The following DYM variants were observed in gnomAD, a reference collection of about 807,000 sequenced individuals.
DYM encodes dyggve-Melchior-Clausen syndrome protein.
DYM carries 78 observed loss-of-function variants against 93.1 expected under a neutral mutation model. The observed-to-expected ratio is 0.84, with a 90% CI of 0.70 to 1.01. The LOEUF (loss-of-function observed/expected upper bound fraction) is 1.01, where lower values mean the gene tolerates loss of function less well. Ranked by LOEUF, DYM falls within the 50% of genes least tolerant of loss-of-function variation. The pLI, the probability that DYM is intolerant of heterozygous loss-of-function variation, is 0.00. For missense variants in DYM, 789 were observed against 845.0 expected (o/e 0.93, Z 0.82); for synonymous variants, 321 against 319.7 (o/e 1.00, Z -0.04).
intron 1 of DYM, among the ~76,000 whole-genome samples, chr18:49,448,060 A>C (rs1943674): frequency 0.41 from 61,699 of 151,746 alleles, 12,968 homozygotes; most frequent in East Asian, 0.58. Flanking sequence ...TGTCAGTCCA[A>C]TGAAACATCC....
chr18:49,084,897 T>G (rs2078366202), intron 17 of DYM, among the ~76,000 whole-genome samples: 1 of 152,314 alleles, frequency 6.6e-6, no homozygotes, highest in Admixed American at 6.5e-5. Context: ...ACGATGACAG[T>G]TATACCCAAA....
chr18:49,226,555 A>G (rs1223451656), intron 13 of DYM, among the ~76,000 whole-genome samples: 1 of 152,186 alleles, frequency 6.6e-6, no homozygotes, highest in Non-Finnish European at 1.5e-5. Context: ...AGCAAGGTCT[A>G]AAACTCCACA....
chr18:49,279,824 T>C (rs1437422035), intron 10 of DYM, among the ~76,000 whole-genome samples: 1 of 152,238 alleles, frequency 6.6e-6, no homozygotes, highest in African/African-American at 2.4e-5. Flanking sequence ...TTAAGCAGTG[T>C]TTCCCACCTA....
chr18:49,371,764 GCA>G, intron 5 of DYM, among the ~76,000 whole-genome samples: 1 of 152,104 alleles, frequency 6.6e-6, no homozygotes, highest in African/African-American at 2.4e-5. Context: ...ATTCTCAAAC[GCA>G]TGGACTAATG....
Position 49,425,698 on chromosome 18 carries a change from G to GA in DYM, c.140+4556dup, listed in dbSNP as rs1406721651. Among the ~76,000 whole-genome samples, 11 of 152,218 alleles carry GA rather than the reference G, an allele frequency of 7.2e-5. No individual in the cohort carries two copies. In the East Asian group the frequency reaches 1.7e-3, roughly 24 times the overall value. Reference sequence around the variant, plus strand: ...ACAAAGAACTTAAACAAATTTACAAGAAAAAATCAAACAACCCCCATCAAA... The same window carrying GA: ...ACAAAGAACTTAAACAAATTTACAAGAAAAAAATCAAACAACCCCCATCAAA... On this transcript the variant is annotated intron_variant, in intron 2 of 17. Transcript: ENST00000675505.
chr18:49,455,509 A>C (rs912940861), intron 1 of DYM, among the ~76,000 whole-genome samples: 2 of 152,202 alleles, frequency 1.3e-5, no homozygotes, highest in African/African-American at 4.8e-5. Flanking sequence ...CAAACATATA[A>C]AGTATATATT....
intron 16 of DYM, among the ~76,000 whole-genome samples, chr18:49,117,508 G>C (rs1599868650): frequency 6.6e-6 from 1 of 151,930 alleles, no homozygotes; most frequent in Non-Finnish European, 1.5e-5. Context: ...GTGCCTGTTC[G>C]ATTCTTGTTA....
chr18:49,205,581 A>G (rs2092432088), intron 14 of DYM, among the ~76,000 whole-genome samples: 1 of 152,182 alleles, frequency 6.6e-6, no homozygotes, highest in Admixed American at 6.5e-5. Flanking sequence ...GGTACTATCA[A>G]TCATCCAAGA....
At chr18:49,373,154 C>T (rs1031499235) in intron 5 of DYM, among the ~76,000 whole-genome samples, 3 of 151,934 alleles carry the variant, frequency 2.0e-5, no homozygotes, top group Non-Finnish European at 4.4e-5. Flanking sequence ...TGTTACAGGA[C>T]AGAGAAATAT....
chr18:49,391,541 A>T (rs376388828), intron 3 of DYM, 52 bp downstream of exon 3: 6 of 1,539,156 alleles, frequency 3.9e-6, no homozygotes, highest in East Asian at 4.5e-5. Flanking sequence ...ATACTATCAA[A>T]ATCTAAAACA....
At chr18:49,235,818 G>T (rs527755226) in intron 13 of DYM, among the ~76,000 whole-genome samples, 2 of 148,310 alleles carry the variant, frequency 1.3e-5, no homozygotes, top group African/African-American at 4.9e-5. Context: ...AAAATCTTTC[G>T]ATCATCACAC....
intron 1 of DYM, among the ~76,000 whole-genome samples, chr18:49,455,950 A>C (rs2082946552): frequency 6.6e-6 from 1 of 151,970 alleles, no homozygotes; most frequent in Non-Finnish European, 1.5e-5. Context: ...CTGTCTCAAA[A>C]AAAAAAAAGC....
rs2062046014 is a variant in DYM at position 49,317,586 on chromosome 18, TCTCTCTCTCTC to T, written c.763+14267_763+14277del. On this transcript the variant is annotated intron_variant, in intron 8 of 17. Coordinates refer to ENST00000675505, the MANE Select transcript of DYM (RefSeq NM_001353214.3). Reference sequence around the variant, plus strand: ...CTCTCTCTCTCTCTCTCTCTCTCTCTCTCTCTCTCTCCCCCCTCCCCCCTCCCTCCCTCCCT... The same window carrying T: ...CTCTCTCTCTCTCTCTCTCTCTCTCTCCCCCTCCCCCCTCCCTCCCTCCCT... 1.7e-4 allele frequency among the ~76,000 whole-genome samples: 2 copies of T among 12,044 alleles called. 1 individual carries two copies. The highest frequency in any genetic ancestry group is 1.3e-3 in the African/African-American group (2 of 1,584). 7.9% of individuals were successfully genotyped at this position (12,044 alleles called of 152,430 possible).
At chr18:49,288,682 AG>A (rs2059820551) in intron 8 of DYM, among the ~76,000 whole-genome samples, 2 of 152,064 alleles carry the variant, frequency 1.3e-5, no homozygotes, top group African/African-American at 4.8e-5. Context: ...TGGGAGGCTG[AG>A]GCGGGAGAAT....
At chr18:49,159,399 TAA>T (rs1283033921) in intron 15 of DYM, among the ~76,000 whole-genome samples, 1 of 152,184 alleles carries the variant, frequency 6.6e-6, no homozygotes, top group East Asian at 1.9e-4. Context: ...AAAGCAGATT[TAA>T]AAGTTTGTAA....
chr18:49,317,685 C>CT, intron 8 of DYM, among the ~76,000 whole-genome samples: 3 of 115,434 alleles, frequency 2.6e-5, no homozygotes, highest in African/African-American at 9.2e-5. Flanking sequence ...TCCTTCCTTC[C>CT]TTCCTTTCTT....
intron 13 of DYM, among the ~76,000 whole-genome samples, chr18:49,233,599 T>C (rs2144516612): frequency 6.6e-6 from 1 of 152,322 alleles, no homozygotes. Context: ...CCCTCCAGTT[T>C]GCTGGTTTCC....
At chr18:49,441,297 AAT>A (rs2081567904) in intron 1 of DYM, among the ~76,000 whole-genome samples, 7 of 39,896 alleles carry the variant, frequency 1.8e-4, no homozygotes, top group East Asian at 1.1e-3. Flanking sequence ...TATATAATAT[AAT>A]TATATATAAT....
chr18:49,212,753 T>A (rs972731236), intron 13 of DYM, among the ~76,000 whole-genome samples: 3 of 152,172 alleles, frequency 2.0e-5, no homozygotes, highest in African/African-American at 7.2e-5. Context: ...CACCCTGGCC[T>A]TCCAAAGTGT....
Sources: allele counts gnomAD v4.1 joint callset (sites outside exome capture counted in the v4.1 genomes callset), GRCh38; gene constraint gnomAD v4.1.1; transcripts MANE v1.5; gene names NCBI Gene and HGNC (gene_info 2026-07-23, HGNC 2026-07-21).